Variants in CRB2 observed in about 807,000 individuals in gnomAD.
The protein encoded by CRB2 is protein crumbs homolog 2.
CRB2 carries 85 observed loss-of-function variants against 110.9 expected under a neutral mutation model. The ratio of observed to expected loss-of-function variants is 0.77; its 90% CI spans 0.64 to 0.92. The LOEUF is 0.92. Among genes scored for constraint, CRB2 ranks in the 40% least tolerant of loss-of-function variants. The pLI, the probability that CRB2 is intolerant of heterozygous loss-of-function variation, is 0.00. For synonymous variants in CRB2, 907 were observed against 831.0 expected, an observed-to-expected ratio of 1.09 and a Z score of -1.57; for missense variants, 1,843 against 1,851.3, an observed-to-expected ratio of 1.00 and a Z score of 0.08.
intron 1 of CRB2, among the ~76,000 whole-genome samples, chr9:123,360,169 T>C (rs2041851234): frequency 6.6e-6 from 1 of 152,220 alleles, no homozygotes; most frequent in African/African-American, 2.4e-5. Flanking sequence ...TTTTCTGGTC[T>C]GAATCAAGTA....
chr9:123,365,771 C>G, intron 2 of CRB2, 146 bp from the exon 3 acceptor site: 100 of 642,194 alleles, frequency 1.6e-4, no homozygotes, highest in Middle Eastern at 3.9e-4. Context: ...CATGACCCGT[C>G]CCCCACCCCC....
At position 123,367,274 on chromosome 9, in the gene CRB2, G is replaced by C; in HGVS notation, c.857G>C (p.Gly286Ala). ...CAGCGCTCTGACCCGGCCCTCTACG[G>C]GGGTGTCCAGGCCGCCTTCCCTGGC... is the stretch of plus-strand genomic sequence containing the variant. ...CLQRSDPALY[G>A]GVQAAFPGAF... The change falls in exon 5 of 13, where the codon GGG becomes GCG. Residue 286 changes from glycine (G) to alanine (A), a missense_variant. By Grantham distance (60) the Gly-to-Ala change is moderately conservative. Coordinates refer to ENST00000373631, the MANE Select transcript of CRB2 (RefSeq NM_173689.7). 6.2e-7 allele frequency: 1 copy of C among 1,600,468 alleles called. No individual in the cohort carries two copies. Among genetic ancestry groups the C allele is most frequent in the Non-Finnish European group, 8.5e-7 (1 of 1,178,434 alleles).
chr9:123,374,143 G>A (rs2042066625), intron 10 of CRB2: 3 of 732,340 alleles, frequency 4.1e-6, no homozygotes, highest in Non-Finnish European at 6.9e-6. Flanking sequence ...CTGTGGTCTG[G>A]GGCTGGGAGC....
rs763996450 is a variant in CRB2, at chr9:123,377,073, C to T, written c.*11C>T. 1.2e-5 allele frequency: 18 copies of T among 1,530,076 alleles called. No individual in the cohort carries two copies. Among genetic ancestry groups the T allele is most frequent in the Non-Finnish European group, 1.5e-5 (17 of 1,137,662 alleles). 94.8% of individuals were successfully genotyped at this position (1,530,076 alleles called of 1,614,324 possible). ...GAGAGACTCATCTAGGCCAGCCTGG[C>T]TGCTGGCACCAGCACCTGGAGGTCC... On this transcript the variant is annotated 3_prime_UTR_variant, in exon 13 of 13. Coordinates refer to ENST00000373631, the MANE Select transcript of CRB2 (RefSeq NM_173689.7).
Position 123,356,231 on chromosome 9 carries a change from G to T in CRB2, c.-30G>T. 1 of 1,357,660 alleles carries T rather than the reference G, an allele frequency of 7.4e-7. No homozygotes were observed. Among genetic ancestry groups the T allele is most frequent in the South Asian group, 1.5e-5 (1 of 67,088 alleles). The allele number at this position is 1,357,660 out of a possible 1,614,324, so 84.1% of individuals were successfully genotyped here. ...GCCAGGCCGCCCTCCCGTTCTCACA[G>T]CAGCCGAGCAGAGCGCAGAGCGGGC... On this transcript the variant is annotated 5_prime_UTR_variant, in exon 1 of 13. Transcript: ENST00000373631.
In CRB2 at chr9:123,371,539, G is replaced by C; in HGVS notation, c.2397G>C (p.Trp799Cys). ...QPSELGGRQS[W>C]NLTAGCVSED... ...GCGAGCTCGGCGGCAGGCAGTCCTG[G>C]AACCTCACTGCGGGCTGCGTCTCCG... Residue 799 changes from tryptophan (W) to cysteine (C), a missense_variant, in exon 8 of 13, where the codon TGG becomes TGC. Transcript: ENST00000373631. 1 of 1,613,172 alleles carries C rather than the reference G, an allele frequency of 6.2e-7. No homozygotes were observed. Among genetic ancestry groups the C allele is most frequent in the Non-Finnish European group, 8.5e-7 (1 of 1,180,040 alleles).
At position 123,373,832 on chromosome 9, in the gene CRB2, G is replaced by C. The variant is rs778483904; in HGVS notation, c.3301G>C (p.Ala1101Pro). ...AGCCCACGTCGACCCCTGTCACTCCGCCCCCTGCGCCCGTGGCCGCTGTCA... is the reference window on the plus strand; with the variant it reads ...AGCCCACGTCGACCCCTGTCACTCCCCCCCCTGCGCCCGTGGCCGCTGTCA... ...CEAHVDPCHS[A>P]PCARGRCHTH... The change falls in exon 10 of 13, where the codon GCC (alanine) becomes CCC (proline). Residue 1101 changes from alanine to proline, a missense_variant. By Grantham distance (27) the Ala-to-Pro change is conservative (BLOSUM62 -1). Transcript: ENST00000373631. 1 of 1,570,186 alleles carries C rather than the reference G, an allele frequency of 6.4e-7. No homozygotes were observed. The highest frequency in any genetic ancestry group is 2.3e-5 in the East Asian group (1 of 42,838).
chr9:123,369,136 G>A lies in CRB2; in HGVS notation c.1055-972G>A, dbSNP rs548500338. 3.9e-5 allele frequency among the ~76,000 whole-genome samples: 6 copies of A among 152,284 alleles called. No homozygotes were observed. In the South Asian group the frequency reaches 1.2e-3, roughly 32 times the overall value. On this transcript the variant is annotated intron_variant, in intron 6 of 12. Coordinates refer to ENST00000373631, the MANE Select transcript of CRB2 (RefSeq NM_173689.7). ...GGCTATGGCTTCTGGACCCAAGCTG[G>A]GGCCTGAGCACCTGAAGGGATCCCT...
intron 10 of CRB2, chr9:123,374,171 G>T: frequency 1.5e-6 from 1 of 652,680 alleles, no homozygotes. Flanking sequence ...CGCTTACACG[G>T]AGGTTCATCC....
downstream of CRB2, chr9:123,380,119 AC>A (rs1335433570): frequency 1.3e-5 from 2 of 152,024 alleles, no homozygotes; most frequent in African/African-American, 4.8e-5. Context: ...TCCCCCAGAC[AC>A]CCCTGGGTAG....
chr9:123,363,649 C>A (rs764503794), intron 2 of CRB2, among the ~76,000 whole-genome samples: 1 of 152,124 alleles, frequency 6.6e-6, no homozygotes, highest in Admixed American at 6.5e-5. Context: ...GCAATGTGGA[C>A]CCCTGGCCTC....
At position 123,366,338 on chromosome 9, in the gene CRB2, C is replaced by T. The variant is rs1434697042; in HGVS notation, c.726C>T (p.Leu242=). Residue 242 remains leucine (L), a synonymous_variant, in exon 4 of 13, where the codon CTC becomes CTT. Transcript: ENST00000373631. ...ACAACGCGTCCTGCCTCGAGGGCCT[C>T]GGGAGCTTCCGCTGCCTCTGTTGGC... ...CEHNASCLEG[L]GSFRCLCWPG... is the part of the protein sequence containing the mutation. 7.1e-6 allele frequency: 11 copies of T among 1,545,160 alleles called. No homozygotes were observed. The highest frequency in any genetic ancestry group is 2.1e-4 in the Middle Eastern group (1 of 4,768).
In CRB2 at chr9:123,377,249, A is replaced by G; in HGVS notation, c.*187A>G. ...GAGCAACTCAGGGAAACAGAGGCCT[A>G]GAGAGGCTGCGGACTTCTCCATCCC... On this transcript the variant is annotated 3_prime_UTR_variant, in exon 13 of 13. Coordinates refer to ENST00000373631, the MANE Select transcript of CRB2 (RefSeq NM_173689.7). 1.6e-6 allele frequency: 1 copy of G among 612,286 alleles called. No individual in the cohort carries two copies. Among genetic ancestry groups the G allele is most frequent in the Non-Finnish European group, 2.8e-6 (1 of 356,954 alleles). 37.9% of individuals were successfully genotyped at this position (612,286 alleles called of 1,614,324 possible).
In CRB2 at chr9:123,373,733, G is replaced by A. The variant is rs754789881; in HGVS notation, c.3202G>A (p.Asp1068Asn). 9 of 1,576,012 alleles carry A rather than the reference G, an allele frequency of 5.7e-6. No individual in the cohort carries two copies. The highest frequency in any genetic ancestry group is 5.7e-5 in the South Asian group (5 of 88,126). Residue 1068 changes from aspartate to asparagine, a missense_variant, in exon 10 of 13, where the codon GAC becomes AAC. Coordinates refer to ENST00000373631, the MANE Select transcript of CRB2 (RefSeq NM_173689.7). ...GTGTGCGCCCTCGCCCTGTCTGCAC[G>A]ACGGTGCCTGCCGTGACCTCTTCGA... ...PVCAPSPCLH[D>N]GACRDLFDAF...
intron 1 of CRB2, among the ~76,000 whole-genome samples, chr9:123,357,548 G>A (rs1487315509): frequency 2.6e-5 from 4 of 152,006 alleles, no homozygotes; most frequent in Admixed American, 6.5e-5. Flanking sequence ...GGAAACCAAG[G>A]CTCAGAGAGG....
At chr9:123,358,965 G>A (rs1199936859) in intron 1 of CRB2, among the ~76,000 whole-genome samples, 1 of 152,080 alleles carries the variant, frequency 6.6e-6, no homozygotes, top group Non-Finnish European at 1.5e-5. Flanking sequence ...TTGGGTGGCA[G>A]GTGGGGAACC....
chr9:123,366,933 A>G (rs959866731), intron 4 of CRB2, among the ~76,000 whole-genome samples: 3 of 124,558 alleles, frequency 2.4e-5, no homozygotes, highest in African/African-American at 9.2e-5. Flanking sequence ...CAACAGAGTG[A>G]GATTCTATCT....
Position 123,370,500 on chromosome 9 carries a change from A to G in CRB2, c.1447A>G (p.Ser483Gly). Residue 483 changes from serine (S) to glycine (G), a missense_variant, in exon 7 of 13, where the codon AGC becomes GGC. Transcript: ENST00000373631. ...TLATRNDTKE[S>G]LELALVAATL... is the part of the protein sequence containing the mutation. ...GGCCACTCGCAATGACACCAAGGAA[A>G]GCTTGGAGCTGGCATTGGTGGCAGC... 2 of 1,613,502 alleles carry G rather than the reference A, an allele frequency of 1.2e-6. No homozygotes were observed. The highest frequency in any genetic ancestry group is 8.5e-7 in the Non-Finnish European group (1 of 1,180,040).
intron 2 of CRB2, among the ~76,000 whole-genome samples, chr9:123,365,034 G>T (rs1461722234): frequency 1.3e-5 from 2 of 152,266 alleles, no homozygotes; most frequent in East Asian, 3.9e-4. Context: ...GGCTGAGGTG[G>T]GTGGATCACT....
Sources: gnomAD v4.1 joint callset for allele counts (sites outside exome capture counted in the v4.1 genomes callset) on GRCh38, gnomAD v4.1.1 for gene constraint, MANE v1.5 for transcripts, NCBI Gene and HGNC (gene_info 2026-07-23, HGNC 2026-07-21) for gene names.